The following KPNA1 variants were observed in gnomAD, a reference collection of about 807,000 sequenced individuals.
The protein encoded by KPNA1 is karyopherin subunit alpha 1, also known as importin subunit alpha-5.
Under a neutral mutation model 70.5 loss-of-function variants are expected in KPNA1, and 10 were observed. That is an observed-to-expected ratio of 0.14 (90% CI 0.09 to 0.24). The LOEUF is 0.24. Ranked by LOEUF, KPNA1 falls within the 10% of genes least tolerant of loss-of-function variation. The pLI is 1.00. For missense variants in KPNA1, 397 were observed against 637.9 expected, an observed-to-expected ratio of 0.62 and a Z score of 4.07; for synonymous variants, 192 against 221.9, an observed-to-expected ratio of 0.87 and a Z score of 1.20.
intron 9 of KPNA1, among the ~76,000 whole-genome samples, chr3:122,448,939 A>G (rs1415905667): frequency 1.3e-5 from 2 of 152,188 alleles, no homozygotes; most frequent in Non-Finnish European, 2.9e-5. Context: ...AGAGTTTTCT[A>G]TTTTGTATTA....
intron 5 of KPNA1, among the ~76,000 whole-genome samples, chr3:122,458,883 G>T (rs2076293265): frequency 6.6e-6 from 1 of 152,156 alleles, no homozygotes; most frequent in Non-Finnish European, 1.5e-5. Context: ...ACACCATGGT[G>T]TCCTTAAATG....
At chr3:122,509,810 C>A (rs751921342) in intron 1 of KPNA1, among the ~76,000 whole-genome samples, 7 of 152,152 alleles carry the variant, frequency 4.6e-5, no homozygotes, top group Non-Finnish European at 7.4e-5. Context: ...TTCTAAAATT[C>A]TTTTTGCCTA....
intron 3 of KPNA1, among the ~76,000 whole-genome samples, chr3:122,466,164 C>G (rs965007178): frequency 6.6e-6 from 1 of 151,930 alleles, no homozygotes; most frequent in African/African-American, 2.4e-5. Context: ...TCAAAGAAAG[C>G]TGGTTCATGT....
chr3:122,444,612 G>A (rs2076111381), intron 9 of KPNA1, among the ~76,000 whole-genome samples: 1 of 152,100 alleles, frequency 6.6e-6, no homozygotes, highest in African/African-American at 2.4e-5. Flanking sequence ...GCCTAACTGG[G>A]AGACACCTCC....
chr3:122,442,027 C>T lies in KPNA1; in HGVS notation c.996+11G>A, dbSNP rs770353493. ...TTTAAAGGACAAAAAAAAGTTACCA[C>T]TTCTTCATACCTGTGTCTGAATATC... On this transcript the variant is annotated intron_variant, in intron 10 of 13. Transcript: ENST00000344337. 3.7e-6 allele frequency: 6 copies of T among 1,602,798 alleles called. No individual in the cohort carries two copies. The highest frequency in any genetic ancestry group is 2.2e-5 in the East Asian group (1 of 44,820).
At chr3:122,489,211 T>G (rs1453150472) in intron 2 of KPNA1, among the ~76,000 whole-genome samples, 1 of 152,186 alleles carries the variant, frequency 6.6e-6, no homozygotes, top group East Asian at 1.9e-4. Context: ...ATTTGGGAAT[T>G]TCTCATCTTG....
chr3:122,487,436 A>T (rs1161666307), intron 2 of KPNA1, among the ~76,000 whole-genome samples: 1 of 152,240 alleles, frequency 6.6e-6, no homozygotes, highest in Non-Finnish European at 1.5e-5. Context: ...TTCAAAACAG[A>T]ATATCAAAAG....
chr3:122,451,155 A>G (rs955627635), intron 8 of KPNA1, among the ~76,000 whole-genome samples: 5 of 152,174 alleles, frequency 3.3e-5, no homozygotes, highest in African/African-American at 1.2e-4. Flanking sequence ...AAAAAAAAAA[A>G]GAATCTCATG....
At chr3:122,462,199 A>G (rs77448606) in intron 4 of KPNA1, among the ~76,000 whole-genome samples, 2,389 of 152,042 alleles carry the variant, frequency 0.016, 32 homozygotes, top group Non-Finnish European at 0.024. Flanking sequence ...AAAAAGAACA[A>G]TAAGTCAGAA....
At chr3:122,456,122 A>G (rs2076262507) in intron 5 of KPNA1, among the ~76,000 whole-genome samples, 2 of 152,208 alleles carry the variant, frequency 1.3e-5, no homozygotes, top group African/African-American at 4.8e-5. Context: ...TGTAGTTTGG[A>G]TATCTAGTTC....
Position 122,489,294 on chromosome 3 carries a change from T to G in KPNA1, c.129+7143A>C, listed in dbSNP as rs553041723. On this transcript the variant is annotated intron_variant, in intron 2 of 13. Coordinates refer to ENST00000344337, the MANE Select transcript of KPNA1 (RefSeq NM_002264.4). ...CCTTTTTACTTTGTTTGTTTTTTTT[T>G]GTTTGTTTTTTTTTTAAGAGGGTCT... Among the ~76,000 whole-genome samples the G allele has an allele frequency of 2.5e-4, 37 of 150,928 alleles. No homozygotes were observed. In the East Asian group the frequency reaches 2.8e-3, roughly 11 times the overall value.
intron 13 of KPNA1, 98 bp from the exon 14 acceptor site, chr3:122,427,270 T>C: frequency 1.1e-6 from 1 of 904,738 alleles, no homozygotes. Flanking sequence ...GTCATATATC[T>C]CTGTTCTTGA....
intron 8 of KPNA1, 99 bp downstream of exon 8, chr3:122,451,435 A>G: frequency 1.5e-6 from 1 of 661,898 alleles, no homozygotes. Flanking sequence ...TAACATTTTA[A>G]ATTTTAACAA....
intron 1 of KPNA1, among the ~76,000 whole-genome samples, chr3:122,510,318 G>A (rs1485594867): frequency 6.6e-6 from 1 of 152,152 alleles, no homozygotes; most frequent in East Asian, 1.9e-4. Context: ...GAAGTTTAAG[G>A]ATGATGAAAA....
chr3:122,500,649 C>G (rs966745165), intron 1 of KPNA1, among the ~76,000 whole-genome samples: 1 of 151,714 alleles, frequency 6.6e-6, no homozygotes, highest in African/African-American at 2.4e-5. Flanking sequence ...GGTGCATGCC[C>G]AGATTATTAT....
At chr3:122,446,245 A>C (rs1370479789) in intron 9 of KPNA1, among the ~76,000 whole-genome samples, 7 of 152,236 alleles carry the variant, frequency 4.6e-5, no homozygotes, top group Admixed American at 4.6e-4. Context: ...CATTGTACTT[A>C]TTCTAAAACT....
chr3:122,480,168 G>A (rs1231714375), intron 2 of KPNA1, among the ~76,000 whole-genome samples: 1 of 152,178 alleles, frequency 6.6e-6, no homozygotes, highest in Non-Finnish European at 1.5e-5. Context: ...GTTGGGGAAA[G>A]GAGGGACAAA....
intron 1 of KPNA1, among the ~76,000 whole-genome samples, chr3:122,510,780 T>C (rs2107513310): frequency 6.6e-6 from 1 of 152,056 alleles, no homozygotes; most frequent in East Asian, 1.9e-4. Flanking sequence ...AGAAAGAAAA[T>C]GGTAGCTTTT....
At position 122,427,074 on chromosome 3, in the gene KPNA1, C is replaced by A. The variant is rs1435064781; in HGVS notation, c.1528G>T (p.Asp510Tyr). Residue 510 changes from aspartate (D) to tyrosine (Y), a missense_variant, in exon 14 of 14, where the codon GAC (aspartate) becomes TAC (tyrosine). By Grantham distance (160) the Asp-to-Tyr change is radical. Coordinates refer to ENST00000344337, the MANE Select transcript of KPNA1 (RefSeq NM_002264.4). ...TCAACCTGGGGTGCAATGCTGCTGT[C>A]TTCATCTTCGGTCCCGAAGTAATGC... ...IEHYFGTEDE[D>Y]SSIAPQVDLN... is the part of the protein sequence containing the mutation. 6.2e-7 allele frequency: 1 copy of A among 1,614,064 alleles called. No individual in the cohort carries two copies. Among genetic ancestry groups the A allele is most frequent in the Non-Finnish European group, 8.5e-7 (1 of 1,180,034 alleles).
Sources: gnomAD v4.1 joint callset for allele counts (sites outside exome capture counted in the v4.1 genomes callset) on GRCh38, gnomAD v4.1.1 for gene constraint, MANE v1.5 for transcripts, NCBI Gene and HGNC (gene_info 2026-07-23, HGNC 2026-07-21) for gene names.